DMC1: variants seen among roughly 807,000 people sequenced by gnomAD.
The protein encoded by DMC1 is meiotic recombination protein DMC1 homolog.
In DMC1, 27 loss-of-function variants were observed where a neutral mutation model predicts 50.1. The ratio of observed to expected loss-of-function variants is 0.54; its 90% CI spans 0.40 to 0.74. DMC1 has a LOEUF of 0.74. Among genes scored for constraint, DMC1 ranks in the 30% least tolerant of loss-of-function variants. DMC1 has a pLI of 0.00. For missense variants in DMC1, 295 were observed against 420.2 expected, an observed-to-expected ratio of 0.70 and a Z score of 2.60; for synonymous variants, 148 against 136.1, an observed-to-expected ratio of 1.09 and a Z score of -0.61.
chr22:38,512,199 T>G, the DMC1 span, among the ~76,000 whole-genome samples: 1 of 152,146 alleles, frequency 6.6e-6, no homozygotes, highest in African/African-American at 2.4e-5. Flanking sequence ...GGTCTCGAAC[T>G]CCTGTCCTAA....
At chr22:38,562,502 A>G in intron 4 of DMC1, 133 bp from the exon 5 acceptor site, 1 of 676,338 alleles carries the variant, frequency 1.5e-6, no homozygotes, top group Non-Finnish European at 2.6e-6. Flanking sequence ...TTGTCCTTGA[A>G]GGCAGTACAA....
At chr22:38,520,561 T>G (rs2090013724) in intron 13 of DMC1, among the ~76,000 whole-genome samples, 2 of 152,076 alleles carry the variant, frequency 1.3e-5, no homozygotes, top group South Asian at 4.1e-4. Context: ...TTTCACCATG[T>G]TGGCCAGGCT....
At chr22:38,566,775 G>A (rs2090585380) in intron 3 of DMC1, 39 bp from the exon 4 acceptor site, 1 of 1,603,952 alleles carries the variant, frequency 6.2e-7, no homozygotes, top group Non-Finnish European at 8.5e-7. Flanking sequence ...CTGATAAGAT[G>A]CCAGCCTGCA....
chr22:38,535,410 C>CACA (rs2090199943), intron 12 of DMC1, among the ~76,000 whole-genome samples: 1 of 147,932 alleles, frequency 6.8e-6, no homozygotes, highest in Non-Finnish European at 1.5e-5. Flanking sequence ...ATGTACACCT[C>CACA]CACACACACA....
chr22:38,531,073 T>C (rs1317602351), intron 12 of DMC1, among the ~76,000 whole-genome samples: 3 of 151,998 alleles, frequency 2.0e-5, no homozygotes, highest in African/African-American at 7.2e-5. Flanking sequence ...AAAAAGAAGG[T>C]GACATCCTTA....
chr22:38,558,666 G>A (rs1032931022), intron 5 of DMC1, among the ~76,000 whole-genome samples: 14 of 151,886 alleles, frequency 9.2e-5, no homozygotes, highest in African/African-American at 3.1e-4. Flanking sequence ...AGTGAGCCGA[G>A]ATCATGCCAC....
At chr22:38,528,034 G>A (rs2090112143) in intron 12 of DMC1, among the ~76,000 whole-genome samples, 1 of 151,388 alleles carries the variant, frequency 6.6e-6, no homozygotes, top group Admixed American at 6.6e-5. Context: ...TTACCTCTTA[G>A]GGCATTGTAA....
chr22:38,553,910 C>T (rs2090440951), intron 6 of DMC1, among the ~76,000 whole-genome samples: 1 of 136,806 alleles, frequency 7.3e-6, no homozygotes, highest in African/African-American at 2.8e-5. Flanking sequence ...GAGCCAAGAT[C>T]AGGCCACTGC....
intron 4 of DMC1, among the ~76,000 whole-genome samples, chr22:38,566,274 G>GAAA (rs547899560): frequency 1.2e-3 from 83 of 67,692 alleles, no homozygotes; most frequent in African/African-American, 3.6e-3. Flanking sequence ...CTCTGTCTCA[G>GAAA]AAAAAAAAAA....
chr22:38,549,636 C>A (rs1365781253), intron 8 of DMC1: 2 of 257,404 alleles, frequency 7.8e-6, no homozygotes, highest in Non-Finnish European at 7.5e-6. Context: ...AAAAAAAAAT[C>A]TTTTTTCTAA....
intron 8 of DMC1, among the ~76,000 whole-genome samples, chr22:38,546,820 AT>A (rs1476009914): frequency 2.6e-5 from 4 of 152,222 alleles, no homozygotes; most frequent in African/African-American, 9.6e-5. Context: ...AGATAGAAAT[AT>A]ACCATGCAAA....
intron 4 of DMC1, among the ~76,000 whole-genome samples, chr22:38,565,201 C>G (rs2090569017): frequency 6.6e-6 from 1 of 152,142 alleles, no homozygotes; most frequent in Non-Finnish European, 1.5e-5. Context: ...TGTCTGGCAG[C>G]CTGGCAGTTG....
At chr22:38,550,375 G>A (rs1338412301) in intron 7 of DMC1, among the ~76,000 whole-genome samples, 2 of 145,744 alleles carry the variant, frequency 1.4e-5, no homozygotes, top group African/African-American at 5.1e-5. Flanking sequence ...GTGCAGTGGC[G>A]CAATCTCAGC....
At chr22:38,564,035 A>G (rs1447817444) in intron 4 of DMC1, among the ~76,000 whole-genome samples, 2 of 152,034 alleles carry the variant, frequency 1.3e-5, no homozygotes, top group African/African-American at 2.4e-5. Flanking sequence ...TGGACATGGT[A>G]GCATATGCCT....
intron 12 of DMC1, among the ~76,000 whole-genome samples, chr22:38,534,271 A>T (rs2090186403): frequency 6.6e-6 from 1 of 152,252 alleles, no homozygotes; most frequent in Admixed American, 6.5e-5. Flanking sequence ...TCTGAATGTG[A>T]TAATTATATT....
At chr22:38,536,072 T>G (rs2090208592) in intron 12 of DMC1, among the ~76,000 whole-genome samples, 1 of 151,462 alleles carries the variant, frequency 6.6e-6, no homozygotes, top group African/African-American at 2.4e-5. Flanking sequence ...AATAAAAAAA[T>G]TAGCCAGGCG....
chr22:38,561,190 T>C (rs2090524013), intron 5 of DMC1, among the ~76,000 whole-genome samples: 1 of 151,746 alleles, frequency 6.6e-6, no homozygotes, highest in Admixed American at 6.6e-5. Context: ...TTTTTTTTTT[T>C]TTTGTAGAGA....
chr22:38,538,291 A>C lies in DMC1; in HGVS notation c.775+4T>G. ...ACAGATGCCATTTTATTTTAAAGAT[A>C]TACCTTCTGAGATTTTTTGGAGTCG... On this transcript the variant is annotated splice_donor_region_variant and intron_variant, in intron 11 of 13. Transcript: ENST00000216024. 6.2e-7 allele frequency: 1 copy of C among 1,611,544 alleles called. No homozygotes were observed. Among genetic ancestry groups the C allele is most frequent in the Non-Finnish European group, 8.5e-7 (1 of 1,177,622 alleles).
the DMC1 span, among the ~76,000 whole-genome samples, chr22:38,513,667 T>A: frequency 6.6e-6 from 1 of 152,206 alleles, no homozygotes. Context: ...AACCTCCGAC[T>A]ATCCGGTTCA....
Sources: gnomAD v4.1 joint callset for allele counts (sites outside exome capture counted in the v4.1 genomes callset) on GRCh38, gnomAD v4.1.1 for gene constraint, MANE v1.5 for transcripts, NCBI Gene and HGNC (gene_info 2026-07-23, HGNC 2026-07-21) for gene names.